Variants in SORCS1 observed in about 807,000 individuals in gnomAD.
SORCS1 encodes VPS10 domain-containing receptor SorCS1.
A neutral mutation model predicts 146.1 loss-of-function variants in SORCS1; 60 were observed. The ratio of observed to expected loss-of-function variants is 0.41; its 90% CI spans 0.33 to 0.51. The LOEUF is 0.51. Ranked by LOEUF, SORCS1 falls within the 20% of genes least tolerant of loss-of-function variation. The probability of loss-of-function intolerance (pLI) is 0.21; values close to 1 mark genes in which losing one functional copy is unlikely to be tolerated. For missense variants in SORCS1, 1,352 were observed against 1,487.6 expected (o/e 0.91, Z 1.50); for synonymous variants, 637 against 584.0 (o/e 1.09, Z -1.31).
intron 8 of SORCS1, among the ~76,000 whole-genome samples, chr10:106,701,819 C>T (rs1449711519): frequency 6.6e-6 from 1 of 152,150 alleles, no homozygotes; most frequent in Non-Finnish European, 1.5e-5. Context: ...AAAATAGAGA[C>T]AAGGATAATA....
In SORCS1 at chr10:106,798,372, T is replaced by C. The variant is rs536017107; in HGVS notation, c.727-21680A>G. On this transcript the variant is annotated intron_variant, in intron 3 of 25. Transcript: ENST00000263054. ...GTTACATATGTATACATGTGTCATG[T>C]TGGTGTGCTGCACCTATTAACTTGT... 1.6e-3 allele frequency among the ~76,000 whole-genome samples: 237 copies of C among 152,346 alleles called. 1 individual carries two copies. The highest frequency in any genetic ancestry group is 7.7e-3 in the South Asian group (37 of 4,828).
chr10:107,048,214 A>G lies in SORCS1; in HGVS notation c.559-91634T>C, dbSNP rs140578115. Among the ~76,000 whole-genome samples, 85 of 152,342 alleles carry G rather than the reference A, an allele frequency of 5.6e-4. 1 individual carries two copies. Among genetic ancestry groups the G allele is most frequent in the African/African-American group, 1.8e-3 (75 of 41,582 alleles). ...TTAACACCATATTTTAGTTATGATT[A>G]GGTATTTTCTGTCTTGATTATCAGA... On this transcript the variant is annotated intron_variant, in intron 1 of 25. Coordinates refer to ENST00000263054, the MANE Select transcript of SORCS1 (RefSeq NM_052918.5).
intron 2 of SORCS1, among the ~76,000 whole-genome samples, chr10:106,857,715 A>AT (rs1412036850): frequency 1.2e-4 from 18 of 152,214 alleles, no homozygotes; most frequent in Admixed American, 2.0e-4. Flanking sequence ...TCATTGACAG[A>AT]TTTTTTTTAA....
intron 2 of SORCS1, among the ~76,000 whole-genome samples, chr10:106,933,744 T>C (rs754468438): frequency 7.7e-4 from 117 of 152,258 alleles, no homozygotes; most frequent in Admixed American, 7.3e-3. Flanking sequence ...CTACAACTTG[T>C]AGAGCACACG....
At chr10:106,584,579 A>G (rs1040630641) in intron 24 of SORCS1, among the ~76,000 whole-genome samples, 2 of 152,208 alleles carry the variant, frequency 1.3e-5, no homozygotes, top group African/African-American at 4.8e-5. Context: ...CTCCATTTTA[A>G]CCGATCAAAT....
intron 1 of SORCS1, among the ~76,000 whole-genome samples, chr10:107,039,599 T>G (rs1490424246): frequency 6.6e-6 from 1 of 152,128 alleles, no homozygotes; most frequent in East Asian, 1.9e-4. Flanking sequence ...CCTCTCTGGC[T>G]CCCCTGCGGG....
At chr10:106,715,858 T>C (rs821949) in intron 6 of SORCS1, among the ~76,000 whole-genome samples, 121,639 of 152,000 alleles carry the variant, frequency 0.8, 51,211 homozygotes, top group Non-Finnish European at 0.94. Context: ...GTTCAAACAA[T>C]TCTCCTGCCC....
intron 1 of SORCS1, among the ~76,000 whole-genome samples, chr10:107,117,045 G>C (rs1031804300): frequency 6.6e-6 from 1 of 152,106 alleles, no homozygotes; most frequent in Admixed American, 6.6e-5. Flanking sequence ...AAAAGAAAAT[G>C]AGAGAAATGA....
chr10:106,836,722 G>A (rs1268089764), intron 2 of SORCS1, among the ~76,000 whole-genome samples: 2 of 150,694 alleles, frequency 1.3e-5, no homozygotes, highest in Admixed American at 6.6e-5. Flanking sequence ...ACCTGCCAGG[G>A]AAAATTGATT....
chr10:107,161,248 T>G (rs1188332062), intron 1 of SORCS1, among the ~76,000 whole-genome samples: 1 of 152,152 alleles, frequency 6.6e-6, no homozygotes, highest in African/African-American at 2.4e-5. Flanking sequence ...AATGCAGGTG[T>G]TGTCATAATC....
At chr10:107,081,522 C>A (rs1963335413) in intron 1 of SORCS1, among the ~76,000 whole-genome samples, 1 of 152,166 alleles carries the variant, frequency 6.6e-6, no homozygotes, top group Non-Finnish European at 1.5e-5. Flanking sequence ...AGAACTTAGA[C>A]CCTTGAATGC....
chr10:106,921,707 G>A (rs1020125622), intron 2 of SORCS1, among the ~76,000 whole-genome samples: 1 of 152,068 alleles, frequency 6.6e-6, no homozygotes, highest in Non-Finnish European at 1.5e-5. Context: ...GAAACTATAA[G>A]GACTCAATAA....
chr10:106,962,559 G>A (rs1388325648), intron 1 of SORCS1, among the ~76,000 whole-genome samples: 3 of 152,154 alleles, frequency 2.0e-5, no homozygotes, highest in African/African-American at 7.2e-5. Context: ...CTTAGGATTA[G>A]AGTACACAAT....
intron 1 of SORCS1, among the ~76,000 whole-genome samples, chr10:107,135,938 C>G (rs117108486): frequency 6.6e-6 from 1 of 152,230 alleles, no homozygotes; most frequent in East Asian, 1.9e-4. Context: ...GAAGAAAATA[C>G]AGATATTACA....
intron 1 of SORCS1, among the ~76,000 whole-genome samples, chr10:107,070,473 A>C (rs1962318981): frequency 6.6e-6 from 1 of 152,186 alleles, no homozygotes; most frequent in Non-Finnish European, 1.5e-5. Flanking sequence ...AAAATAACAG[A>C]ACAAAATTGC....
chr10:106,626,643 T>C (rs746833037), intron 19 of SORCS1, among the ~76,000 whole-genome samples: 7 of 152,196 alleles, frequency 4.6e-5, no homozygotes, highest in Non-Finnish European at 8.8e-5. Context: ...TTTCTCCATC[T>C]GAAAGAAAAG....
intron 18 of SORCS1, among the ~76,000 whole-genome samples, chr10:106,646,046 C>T (rs1167745026): frequency 6.6e-6 from 1 of 152,148 alleles, no homozygotes; most frequent in East Asian, 1.9e-4. Context: ...GGGCAGATCA[C>T]TTGAGGTCAC....
At chr10:106,695,347 G>A (rs928765207) in intron 9 of SORCS1, among the ~76,000 whole-genome samples, 2 of 152,068 alleles carry the variant, frequency 1.3e-5, no homozygotes, top group African/African-American at 2.4e-5. Context: ...TGTTTTCACT[G>A]GTATGCAAAG....
At chr10:107,007,411 C>A (rs1323323263) in intron 1 of SORCS1, among the ~76,000 whole-genome samples, 1 of 152,160 alleles carries the variant, frequency 6.6e-6, no homozygotes, top group Non-Finnish European at 1.5e-5. Flanking sequence ...CCCAAGGAAC[C>A]CTTTGGAGAG....
Sources: gnomAD v4.1 joint callset for allele counts (sites outside exome capture counted in the v4.1 genomes callset) on GRCh38, gnomAD v4.1.1 for gene constraint, MANE v1.5 for transcripts, NCBI Gene and HGNC (gene_info 2026-07-23, HGNC 2026-07-21) for gene names.